The following RBFOX1 variants were observed in gnomAD, a reference collection of about 807,000 sequenced individuals.
The protein encoded by RBFOX1 is RNA binding fox-1 homolog 1.
Under a neutral mutation model 57.7 loss-of-function variants are expected in RBFOX1, and 8 were observed. The observed-to-expected ratio is 0.14, with a 90% confidence interval of 0.08 to 0.25. RBFOX1 has a LOEUF of 0.25. RBFOX1 is among the 10% of genes least tolerant of loss of function. The probability of loss-of-function intolerance (pLI) is 1.00; values close to 1 mark genes in which losing one functional copy is unlikely to be tolerated. For missense variants in RBFOX1, 611 were observed against 548.5 expected, an observed-to-expected ratio of 1.11 and a Z score of -1.14; for synonymous variants, 326 against 222.4, an observed-to-expected ratio of 1.47 and a Z score of -4.15.
chr16:7,706,268 T>A (rs2082406977), intron 14 of RBFOX1, among the ~76,000 whole-genome samples: 2 of 152,228 alleles, frequency 1.3e-5, no homozygotes, highest in Admixed American at 6.5e-5. Flanking sequence ...AAATGAAATT[T>A]ATTAATCATA....
At chr16:5,938,046 A>T (rs1405127707) in intron 4 of RBFOX1, among the ~76,000 whole-genome samples, 3 of 152,180 alleles carry the variant, frequency 2.0e-5, no homozygotes, top group Non-Finnish European at 4.4e-5. Flanking sequence ...ATAATTTCAC[A>T]TGAGTATTTA....
At chr16:7,427,516 G>A (rs1460006400) in intron 4 of RBFOX1, among the ~76,000 whole-genome samples, 1 of 151,882 alleles carries the variant, frequency 6.6e-6, no homozygotes. Context: ...AAAATCCCCA[G>A]TCTCTAACCA....
chr16:5,647,714 C>T (rs765068697), intron 3 of RBFOX1, among the ~76,000 whole-genome samples: 8 of 152,130 alleles, frequency 5.3e-5, no homozygotes, highest in African/African-American at 1.2e-4. Context: ...GAACCTGCAA[C>T]GCCAGGTTCA....
chr16:7,204,588 G>A (rs1435391286), intron 4 of RBFOX1, among the ~76,000 whole-genome samples: 2 of 152,200 alleles, frequency 1.3e-5, no homozygotes, highest in Non-Finnish European at 1.5e-5. Flanking sequence ...CAAGGCTGTA[G>A]TGAGCTATGA....
intron 3 of RBFOX1, among the ~76,000 whole-genome samples, chr16:5,706,640 T>C (rs565352536): frequency 1.3e-5 from 2 of 152,344 alleles, no homozygotes; most frequent in South Asian, 2.1e-4. Context: ...CCAGAGTGTC[T>C]CTCTGGAGGA....
chr16:7,427,696 G>A (rs543196395), intron 4 of RBFOX1, among the ~76,000 whole-genome samples: 2 of 151,242 alleles, frequency 1.3e-5, no homozygotes, highest in African/African-American at 4.9e-5. Flanking sequence ...CCAGGCTAGA[G>A]TGCATGGAGT....
chr16:5,378,849 A>G (rs1343867339), intron 1 of RBFOX1, among the ~76,000 whole-genome samples: 1 of 151,590 alleles, frequency 6.6e-6, no homozygotes, highest in African/African-American at 2.4e-5. Context: ...TTTGCACAAT[A>G]AATGTTCATT....
At chr16:7,106,792 T>C (rs1199295292) in intron 4 of RBFOX1, among the ~76,000 whole-genome samples, 1 of 151,814 alleles carries the variant, frequency 6.6e-6, no homozygotes, top group South Asian at 2.1e-4. Flanking sequence ...CGTGACCAGA[T>C]GCCCTAAAAG....
intron 14 of RBFOX1, among the ~76,000 whole-genome samples, chr16:7,696,647 G>T (rs575811313): frequency 6.6e-6 from 1 of 152,166 alleles, no homozygotes; most frequent in Non-Finnish European, 1.5e-5. Flanking sequence ...CTCATCAAAA[G>T]ACCTTCATGG....
intron 1 of RBFOX1, among the ~76,000 whole-genome samples, chr16:5,334,705 A>C (rs1237102714): frequency 6.6e-6 from 1 of 151,930 alleles, no homozygotes; most frequent in Non-Finnish European, 1.5e-5. Flanking sequence ...TTCTCTTTAC[A>C]ATATAATTAT....
At chr16:6,311,295 C>CAA (rs71145210) in intron 1 of RBFOX1, among the ~76,000 whole-genome samples, 25,341 of 90,836 alleles carry the variant, frequency 0.28, 3,932 homozygotes, top group East Asian at 0.64. Flanking sequence ...GACTCTGTCT[C>CAA]AAAAAAAAAA....
At chr16:7,021,641 T>C (rs1349602238) in intron 3 of RBFOX1, among the ~76,000 whole-genome samples, 2 of 147,648 alleles carry the variant, frequency 1.4e-5, no homozygotes, top group Non-Finnish European at 3.0e-5. Context: ...ATATAAAAAT[T>C]TTATTAAAAT....
rs151177772 is a variant in RBFOX1 at position 6,824,983 on chromosome 16, G to GTTTTTTTTTTTTTTTTTTTT, written c.-16+170345_-16+170364dup. On this transcript the variant is annotated intron_variant, in intron 3 of 15. Coordinates refer to ENST00000550418, the MANE Select transcript of RBFOX1 (RefSeq NM_018723.4). Reference sequence around the variant, plus strand: ...GGATTTCTTTTTTCTTTCTTTCTTGGTTTTTTTTTTTTTTTTTTTTTTTTT... The same window carrying GTTTTTTTTTTTTTTTTTTTT: ...GGATTTCTTTTTTCTTTCTTTCTTGGTTTTTTTTTTTTTTTTTTTTTTTTTTTTTTTTTTTTTTTTTTTTT... Among the ~76,000 whole-genome samples the GTTTTTTTTTTTTTTTTTTTT allele has an allele frequency of 1.2e-3, 44 of 36,906 alleles. 9 individuals are homozygous for GTTTTTTTTTTTTTTTTTTTT. Among genetic ancestry groups the GTTTTTTTTTTTTTTTTTTTT allele is most frequent in the Non-Finnish European group, 2.1e-3 (35 of 16,930 alleles). 24.2% of individuals were successfully genotyped at this position (36,906 alleles called of 152,430 possible).
At chr16:6,046,953 G>C (rs2095501848) in intron 1 of RBFOX1, among the ~76,000 whole-genome samples, 1 of 152,214 alleles carries the variant, frequency 6.6e-6, no homozygotes, top group South Asian at 2.1e-4. Flanking sequence ...CGGAGTTAAT[G>C]GATGTTGGGG....
At chr16:5,626,837 C>T (rs2048363730) in intron 3 of RBFOX1, among the ~76,000 whole-genome samples, 1 of 150,392 alleles carries the variant, frequency 6.6e-6, no homozygotes, top group African/African-American at 2.5e-5. Flanking sequence ...TTTGAGCAAT[C>T]GTTTTATCCA....
At chr16:6,467,855 G>C (rs2095085282) in intron 2 of RBFOX1, among the ~76,000 whole-genome samples, 1 of 152,176 alleles carries the variant, frequency 6.6e-6, no homozygotes, top group South Asian at 2.1e-4. Context: ...GTAATATTAT[G>C]ATGTAAAGTT....
At chr16:6,497,915 T>C (rs1038902342) in intron 2 of RBFOX1, among the ~76,000 whole-genome samples, 2 of 152,080 alleles carry the variant, frequency 1.3e-5, no homozygotes, top group African/African-American at 4.8e-5. Context: ...TTTTCAATCA[T>C]ATTTATAAAT....
At chr16:5,329,390 A>G (rs1248834798) in intron 1 of RBFOX1, among the ~76,000 whole-genome samples, 1 of 152,088 alleles carries the variant, frequency 6.6e-6, no homozygotes, top group East Asian at 1.9e-4. Flanking sequence ...GGGACTACCC[A>G]CTTTTAAATA....
chr16:7,493,969 G>C (rs2067764837), intron 4 of RBFOX1, among the ~76,000 whole-genome samples: 1 of 152,128 alleles, frequency 6.6e-6, no homozygotes, highest in South Asian at 2.1e-4. Flanking sequence ...CAATTTCTTA[G>C]TTATTTGAAG....
Sources: gnomAD v4.1 joint callset for allele counts (sites outside exome capture counted in the v4.1 genomes callset) on GRCh38, gnomAD v4.1.1 for gene constraint, MANE v1.5 for transcripts, NCBI Gene and HGNC (gene_info 2026-07-23, HGNC 2026-07-21) for gene names.